PTPRD: variants seen among roughly 807,000 people sequenced by gnomAD.
PTPRD encodes receptor-type tyrosine-protein phosphatase delta.
A neutral mutation model predicts 214.5 loss-of-function variants in PTPRD; 34 were observed. The observed-to-expected ratio is 0.16, with a 90% CI of 0.12 to 0.21. The LOEUF is 0.21. Among genes scored for constraint, PTPRD ranks in the 10% least tolerant of loss-of-function variants. PTPRD has a pLI of 1.00. For missense variants in PTPRD, 2,545 were observed against 2,398.7 expected, an observed-to-expected ratio of 1.06 and a Z score of -1.27; for synonymous variants, 1,128 against 845.7, an observed-to-expected ratio of 1.33 and a Z score of -5.79.
intron 11 of PTPRD, among the ~76,000 whole-genome samples, chr9:9,009,876 C>G (rs1297990708): frequency 6.6e-6 from 1 of 151,950 alleles, no homozygotes; most frequent in African/African-American, 2.4e-5. Context: ...CAAATTTTCA[C>G]TAGCCTGCTT....
intron 11 of PTPRD, among the ~76,000 whole-genome samples, chr9:8,898,380 G>A (rs2098637805): frequency 6.6e-6 from 1 of 152,034 alleles, no homozygotes; most frequent in Non-Finnish European, 1.5e-5. Context: ...GGTGGCAGAG[G>A]AAAACCTAAG....
chr9:10,030,138 C>T (rs1007544840), intron 4 of PTPRD, among the ~76,000 whole-genome samples: 11 of 152,240 alleles, frequency 7.2e-5, no homozygotes, highest in Middle Eastern at 3.4e-3. Flanking sequence ...TCTCTGAAAC[C>T]GCTTTCTTTT....
chr9:8,513,933 C>T (rs2097732155), intron 21 of PTPRD, among the ~76,000 whole-genome samples: 1 of 152,018 alleles, frequency 6.6e-6, no homozygotes, highest in Non-Finnish European at 1.5e-5. Context: ...AAAAGTAAAA[C>T]TATTATGGAA....
At chr9:10,567,915 G>C (rs1394029169) in intron 2 of PTPRD, among the ~76,000 whole-genome samples, 1 of 150,460 alleles carries the variant, frequency 6.6e-6, no homozygotes, top group Non-Finnish European at 1.5e-5. Flanking sequence ...ATATATCATT[G>C]TTTTATTTTT....
intron 39 of PTPRD, among the ~76,000 whole-genome samples, chr9:8,370,160 TA>T (rs1564338571): frequency 6.6e-6 from 1 of 151,350 alleles, no homozygotes; most frequent in African/African-American, 2.4e-5. Context: ...ATAAATAAGA[TA>T]AAAACAATAC....
At chr9:10,036,237 T>A (rs1360747212) in intron 3 of PTPRD, among the ~76,000 whole-genome samples, 2 of 152,154 alleles carry the variant, frequency 1.3e-5, no homozygotes, top group Non-Finnish European at 2.9e-5. Flanking sequence ...TTCTCAGGCC[T>A]ATTTTAATCC....
intron 29 of PTPRD, 104 bp downstream of exon 29, chr9:8,485,123 G>A (rs958167647): frequency 1.6e-5 from 14 of 867,904 alleles, no homozygotes; most frequent in Admixed American, 7.1e-5. Flanking sequence ...GCAAGGACAC[G>A]TGGCCAAAAC....
At chr9:10,388,199 T>C (rs1345056895) in intron 2 of PTPRD, among the ~76,000 whole-genome samples, 2 of 151,822 alleles carry the variant, frequency 1.3e-5, no homozygotes, top group Non-Finnish European at 2.9e-5. Flanking sequence ...AATATGGGTA[T>C]TTGTAAGGTA....
At chr9:8,344,308 A>G (rs2132691176) in intron 39 of PTPRD, among the ~76,000 whole-genome samples, 1 of 152,140 alleles carries the variant, frequency 6.6e-6, no homozygotes, top group Admixed American at 6.6e-5. Context: ...TGGCAGGACT[A>G]TTTTCTCAAA....
In PTPRD at chr9:8,902,171, G is replaced by T. The variant is rs547465120; in HGVS notation, c.-104+116526C>A. Among the ~76,000 whole-genome samples the T allele has an allele frequency of 5.9e-5, 9 of 152,118 alleles. No homozygotes were observed. In the South Asian group the frequency reaches 1.9e-3, roughly 32 times the overall value. On this transcript the variant is annotated intron_variant, in intron 11 of 45. Transcript: ENST00000381196. Reference sequence around the variant, plus strand: ...TTTAGGCTTCCACCAGAGTTTCTAGGTATATGTGTGTTTATGACACTGTCA... The same window carrying T: ...TTTAGGCTTCCACCAGAGTTTCTAGTTATATGTGTGTTTATGACACTGTCA...
chr9:8,468,067 C>G (rs980352762), intron 31 of PTPRD, among the ~76,000 whole-genome samples: 1 of 151,974 alleles, frequency 6.6e-6, no homozygotes, highest in Non-Finnish European at 1.5e-5. Flanking sequence ...CATTGTCATT[C>G]CCACAAGCAC....
chr9:9,070,709 TATAATCACTGC>T (rs2099742469), intron 10 of PTPRD, among the ~76,000 whole-genome samples: 1 of 152,238 alleles, frequency 6.6e-6, no homozygotes. Context: ...TTGAAGATCC[TATAATCACTGC>T]ACTTTGGCAT....
intron 39 of PTPRD, among the ~76,000 whole-genome samples, chr9:8,369,141 C>T (rs1264937573): frequency 6.6e-6 from 1 of 152,028 alleles, no homozygotes; most frequent in Non-Finnish European, 1.5e-5. Flanking sequence ...TCTGAAGAGA[C>T]ATTTGAATGG....
chr9:9,791,754 G>T (rs1321063631), intron 5 of PTPRD, among the ~76,000 whole-genome samples: 8 of 152,006 alleles, frequency 5.3e-5, no homozygotes, highest in Admixed American at 3.3e-4. Context: ...GACTTTTTTT[G>T]ATTGGAAATA....
chr9:8,442,462 A>G (rs1258746043), intron 34 of PTPRD, among the ~76,000 whole-genome samples: 1 of 152,120 alleles, frequency 6.6e-6, no homozygotes, highest in African/African-American at 2.4e-5. Context: ...TTCTGTCACT[A>G]TATACGTGTG....
intron 3 of PTPRD, among the ~76,000 whole-genome samples, chr9:10,054,524 G>A (rs373545994): frequency 1.3e-5 from 2 of 152,084 alleles, no homozygotes; most frequent in African/African-American, 4.8e-5. Flanking sequence ...ACTTGTAATT[G>A]TAAATCCTTT....
At chr9:9,649,887 G>A (rs919699825) in intron 7 of PTPRD, among the ~76,000 whole-genome samples, 13 of 152,164 alleles carry the variant, frequency 8.5e-5, no homozygotes, top group African/African-American at 3.1e-4. Context: ...CTCAGAAAGT[G>A]AAATAAATAT....
intron 2 of PTPRD, among the ~76,000 whole-genome samples, chr9:10,472,705 C>A (rs1451776501): frequency 6.6e-6 from 1 of 151,916 alleles, no homozygotes; most frequent in South Asian, 2.1e-4. Flanking sequence ...TTCTATTTTC[C>A]TCTGTACCTA....
chr9:10,225,212 G>A (rs911694), intron 3 of PTPRD, among the ~76,000 whole-genome samples: 135,130 of 151,834 alleles, frequency 0.89, 60,223 homozygotes, highest in Middle Eastern at 0.94. Context: ...GTAGTTTATA[G>A]TAAAAAGATA....
Sources: gnomAD v4.1 joint callset for allele counts (sites outside exome capture counted in the v4.1 genomes callset) on GRCh38, gnomAD v4.1.1 for gene constraint, MANE v1.5 for transcripts, NCBI Gene and HGNC (gene_info 2026-07-23, HGNC 2026-07-21) for gene names.